The following RNLS variants were observed in gnomAD, a reference collection of about 807,000 sequenced individuals.
RNLS encodes renalase, FAD dependent amine oxidase.
A neutral mutation model predicts 39.8 loss-of-function variants in RNLS; 39 were observed. The observed-to-expected ratio is 0.98, with a 90% CI of 0.76 to 1.28. The LOEUF (loss-of-function observed/expected upper bound fraction) is 1.28, where lower values mean the gene tolerates loss of function less well. RNLS is among the 50% of genes most tolerant of loss of function. The pLI is 0.00. For missense variants in RNLS, 410 were observed against 413.3 expected (o/e 0.99, Z 0.07); for synonymous variants, 147 against 150.7 (o/e 0.98, Z 0.18).
the RNLS span, among the ~76,000 whole-genome samples, chr10:88,242,551 C>A: frequency 6.6e-6 from 1 of 151,884 alleles, no homozygotes; most frequent in Non-Finnish European, 1.5e-5. Flanking sequence ...TGTTTTTTTT[C>A]TCATAGTTTG....
At chr10:88,319,629 A>G (rs1352949347) in intron 5 of RNLS, among the ~76,000 whole-genome samples, 1 of 152,066 alleles carries the variant, frequency 6.6e-6, no homozygotes, top group Non-Finnish European at 1.5e-5. Context: ...AATTCATGGA[A>G]AGAATTTCAA....
At chr10:88,575,833 C>T (rs1353019266) in intron 3 of RNLS, among the ~76,000 whole-genome samples, 1 of 152,112 alleles carries the variant, frequency 6.6e-6, no homozygotes, top group Non-Finnish European at 1.5e-5. Flanking sequence ...ACATTGCTTA[C>T]AAAGCCCTGT....
Position 88,284,366 on chromosome 10 carries a change from A to G in RNLS, c.*988T>C. ...ATAGAACTCATCATTTTGCTTTTCA[A>G]ATTAGCAACAGGTAGCTGGTTTGGA... On this transcript the variant is annotated 3_prime_UTR_variant, in exon 7 of 7. Transcript: ENST00000331772. 27 of 985,378 alleles carry G rather than the reference A, an allele frequency of 2.7e-5. No individual in the cohort carries two copies. Among genetic ancestry groups the G allele is most frequent in the Non-Finnish European group, 3.3e-5 (27 of 829,916 alleles). The allele number at this position is 985,378 out of a possible 1,614,324, so 61.0% of individuals were successfully genotyped here.
downstream of RNLS, among the ~76,000 whole-genome samples, chr10:88,273,168 T>G (rs1842697096): frequency 6.6e-6 from 1 of 152,236 alleles, no homozygotes; most frequent in African/African-American, 2.4e-5. Flanking sequence ...ATTGGAAATT[T>G]CTTACTGATA....
chr10:88,572,766 C>T (rs1761579081), intron 4 of RNLS, 137 bp downstream of exon 4: 16 of 836,834 alleles, frequency 1.9e-5, no homozygotes, highest in East Asian at 2.7e-5. Flanking sequence ...TGACGACGGC[C>T]GTAAGTATCA....
At chr10:88,183,319 G>C in the RNLS span, among the ~76,000 whole-genome samples, 1 of 152,088 alleles carries the variant, frequency 6.6e-6, no homozygotes, top group East Asian at 1.9e-4. Context: ...TGCTCTAATA[G>C]AATTAATTTA....
chr10:88,356,515 TC>T (rs1180236050), intron 5 of RNLS, among the ~76,000 whole-genome samples: 3 of 152,250 alleles, frequency 2.0e-5, no homozygotes, highest in African/African-American at 7.2e-5. Context: ...TCATATTATG[TC>T]CTTCTTTTTA....
the RNLS span, among the ~76,000 whole-genome samples, chr10:88,240,415 A>ATTTTTT: frequency 1.7e-4 from 20 of 116,128 alleles, no homozygotes; most frequent in South Asian, 5.0e-4. Context: ...CCTTTTTTTA[A>ATTTTTT]AAAAAAAAAA....
At chr10:88,251,766 G>A in the RNLS span, among the ~76,000 whole-genome samples, 1 of 152,220 alleles carries the variant, frequency 6.6e-6, no homozygotes, top group East Asian at 1.9e-4. Context: ...ATGTGCATTA[G>A]AGAAGATGTT....
At chr10:88,369,554 C>A (rs979467296) in intron 4 of RNLS, among the ~76,000 whole-genome samples, 1 of 152,162 alleles carries the variant, frequency 6.6e-6, no homozygotes, top group Non-Finnish European at 1.5e-5. Flanking sequence ...TGATTGGTAA[C>A]CTTTTCTTCC....
At position 88,373,536 on chromosome 10, in the gene RNLS, C is replaced by CAA. The variant is rs775496254; in HGVS notation, c.527-10813_527-10812dup. ...TTTAAAATTATGCTTTCATAACTAACAAAAATCTCAATTTGATGAAAAGCA... is the reference window on the plus strand; with the variant it reads ...TTTAAAATTATGCTTTCATAACTAACAAAAAAATCTCAATTTGATGAAAAGCA... On this transcript the variant is annotated intron_variant, in intron 4 of 6. Transcript: ENST00000331772. Among the ~76,000 whole-genome samples, 3 of 152,204 alleles carry CAA rather than the reference C, an allele frequency of 2.0e-5. No individual in the cohort carries two copies. The East Asian group carries it at 5.8e-4, about 29-fold the overall frequency.
intron 4 of RNLS, among the ~76,000 whole-genome samples, chr10:88,517,345 C>T (rs891911647): frequency 6.6e-6 from 1 of 151,910 alleles, no homozygotes; most frequent in Non-Finnish European, 1.5e-5. Context: ...ACAAAATCAA[C>T]ATTGTCCTTG....
At chr10:88,240,033 A>G in the RNLS span, among the ~76,000 whole-genome samples, 1 of 152,248 alleles carries the variant, frequency 6.6e-6, no homozygotes, top group African/African-American at 2.4e-5. Context: ...ATTTATAAAA[A>G]CATAATGAAA....
chr10:88,355,866 C>T (rs1312981185), intron 5 of RNLS, among the ~76,000 whole-genome samples: 18 of 152,118 alleles, frequency 1.2e-4, no homozygotes, highest in Admixed American at 4.6e-4. Flanking sequence ...CCACCCAGTT[C>T]GAGCTTCCAG....
chr10:88,413,054 TG>T (rs1260452167), intron 4 of RNLS, among the ~76,000 whole-genome samples: 1 of 152,162 alleles, frequency 6.6e-6, no homozygotes, highest in Non-Finnish European at 1.5e-5. Flanking sequence ...TGGGAGAGAA[TG>T]TCAGTAACAG....
downstream of RNLS, among the ~76,000 whole-genome samples, chr10:88,272,348 T>TA (rs1842673354): frequency 6.6e-6 from 1 of 152,214 alleles, no homozygotes; most frequent in Non-Finnish European, 1.5e-5. Context: ...TTTAATTTTT[T>TA]AAAAAAGCTT....
chr10:88,366,663 G>GAAAAAAAAA (rs774157650), intron 4 of RNLS, among the ~76,000 whole-genome samples: 1 of 25,832 alleles, frequency 3.9e-5, no homozygotes, highest in Non-Finnish European at 6.6e-5. Context: ...TAAGTTTTCT[G>GAAAAAAAAA]AAAAAAAAAA....
intron 3 of RNLS, among the ~76,000 whole-genome samples, chr10:88,581,153 G>C (rs1169742876): frequency 6.6e-6 from 1 of 151,650 alleles, no homozygotes; most frequent in African/African-American, 2.4e-5. Flanking sequence ...TAAAGAAAAT[G>C]GATTACACTA....
At chr10:88,240,040 G>C in the RNLS span, among the ~76,000 whole-genome samples, 1 of 152,134 alleles carries the variant, frequency 6.6e-6, no homozygotes, top group Non-Finnish European at 1.5e-5. Context: ...AAAACATAAT[G>C]AAAGATATAA....
Sources: allele counts gnomAD v4.1 joint callset (sites outside exome capture counted in the v4.1 genomes callset), GRCh38; gene constraint gnomAD v4.1.1; transcripts MANE v1.5; gene names NCBI Gene and HGNC (gene_info 2026-07-23, HGNC 2026-07-21).